PRKN: variants seen among roughly 807,000 people sequenced by gnomAD.
The protein encoded by PRKN is parkin RBR E3 ubiquitin protein ligase, also known as E3 ubiquitin-protein ligase parkin.
PRKN carries 56 observed loss-of-function variants against 59.5 expected under a neutral mutation model. That is an observed-to-expected ratio of 0.94 (90% CI 0.76 to 1.18). The LOEUF is 1.18. PRKN is among the 50% of genes most tolerant of loss of function. The pLI, the probability that PRKN is intolerant of heterozygous loss-of-function variation, is 0.00. For missense variants in PRKN, 657 were observed against 596.4 expected (o/e 1.10, Z -1.06); for synonymous variants, 250 against 222.1 (o/e 1.13, Z -1.12).
chr6:162,530,247 C>A (rs1167459050), intron 1 of PRKN, among the ~76,000 whole-genome samples: 1 of 151,752 alleles, frequency 6.6e-6, no homozygotes, highest in Non-Finnish European at 1.5e-5. Context: ...TGGGATGGGG[C>A]GGAGAATTAT....
chr6:162,652,779 T>C (rs1778494321), intron 1 of PRKN, among the ~76,000 whole-genome samples: 2 of 151,492 alleles, frequency 1.3e-5, no homozygotes, highest in African/African-American at 2.4e-5. Context: ...TTCCTCTTTA[T>C]TAAAAAAAAA....
chr6:162,137,525 T>G (rs919810623), intron 4 of PRKN, among the ~76,000 whole-genome samples: 2 of 152,210 alleles, frequency 1.3e-5, no homozygotes, highest in Non-Finnish European at 2.9e-5. Flanking sequence ...GTCTGTTTTG[T>G]GCTGCTATAA....
chr6:162,571,673 T>G (rs1027548931), intron 1 of PRKN, among the ~76,000 whole-genome samples: 1 of 152,014 alleles, frequency 6.6e-6, no homozygotes, highest in African/African-American at 2.4e-5. Flanking sequence ...ACCCGTGGGA[T>G]GTCCAAGTTG....
chr6:162,526,315 GT>G (rs1778282462), intron 1 of PRKN, among the ~76,000 whole-genome samples: 2 of 136,424 alleles, frequency 1.5e-5, no homozygotes, highest in East Asian at 2.1e-4. Context: ...ATCATTAGAA[GT>G]AAAAAAAAAA....
chr6:162,063,522 C>T (rs1778192417), intron 4 of PRKN, among the ~76,000 whole-genome samples: 1 of 152,008 alleles, frequency 6.6e-6, no homozygotes, highest in Non-Finnish European at 1.5e-5. Flanking sequence ...ATAAAACAAC[C>T]ACTTTGAAAA....
At chr6:161,680,861 C>G (rs2128172474) in intron 7 of PRKN, among the ~76,000 whole-genome samples, 1 of 147,322 alleles carries the variant, frequency 6.8e-6, no homozygotes, top group Admixed American at 6.8e-5. Context: ...AAATCAAAGA[C>G]TTTAATACAA....
rs742772 is a variant in PRKN, at chr6:161,603,717, T to C, written c.872-34301A>G. On this transcript the variant is annotated intron_variant, in intron 7 of 11. Transcript: ENST00000366898. ...ATGGGGTTTGGGGAAGTAGCAGATA[T>C]ATGGAACTTCTTCAGGAACCCATGT... is the stretch of plus-strand genomic sequence containing the variant. Among the ~76,000 whole-genome samples the C allele has an allele frequency of 3.5e-3, 531 of 152,302 alleles. 1 individual carries two copies. The highest frequency in any genetic ancestry group is 0.012 in the African/African-American group (506 of 41,562).
chr6:162,375,445 C>A (rs1423948370), intron 2 of PRKN, among the ~76,000 whole-genome samples: 1 of 150,316 alleles, frequency 6.7e-6, no homozygotes, highest in Non-Finnish European at 1.5e-5. Context: ...TTGGTGTCTA[C>A]AAAAGAGCCT....
chr6:162,277,863 G>A (rs1260272040), intron 2 of PRKN, among the ~76,000 whole-genome samples: 1 of 152,124 alleles, frequency 6.6e-6, no homozygotes, highest in African/African-American at 2.4e-5. Context: ...GAAATCTGGT[G>A]GTTTCTTACA....
chr6:161,780,361 C>T (rs545224964), intron 7 of PRKN, among the ~76,000 whole-genome samples: 1 of 152,252 alleles, frequency 6.6e-6, no homozygotes, highest in African/African-American at 2.4e-5. Flanking sequence ...TCCACAAAGA[C>T]TTAATGTACA....
At chr6:161,876,413 G>A (rs2128228453) in intron 6 of PRKN, among the ~76,000 whole-genome samples, 1 of 152,236 alleles carries the variant, frequency 6.6e-6, no homozygotes, top group African/African-American at 2.4e-5. Context: ...CTGGGCTTAA[G>A]CAATCCCTTC....
At chr6:162,148,397 A>G (rs1297426780) in intron 4 of PRKN, among the ~76,000 whole-genome samples, 1 of 151,766 alleles carries the variant, frequency 6.6e-6, no homozygotes, top group Non-Finnish European at 1.5e-5. Flanking sequence ...AAGACTTTAG[A>G]ACATGGGGAC....
chr6:161,958,101 A>T (rs1344087838), intron 6 of PRKN, among the ~76,000 whole-genome samples: 1 of 152,218 alleles, frequency 6.6e-6, no homozygotes, highest in African/African-American at 2.4e-5. Flanking sequence ...AAGCTTACTG[A>T]ATTGCATTAA....
chr6:161,775,443 G>C (rs1375058599), intron 7 of PRKN, among the ~76,000 whole-genome samples: 2 of 151,986 alleles, frequency 1.3e-5, no homozygotes, highest in Admixed American at 6.6e-5. Context: ...GGGTCTCCCT[G>C]TGTTGCACCA....
At chr6:162,290,606 A>G (rs1435714279) in intron 2 of PRKN, among the ~76,000 whole-genome samples, 1 of 152,202 alleles carries the variant, frequency 6.6e-6, no homozygotes. Flanking sequence ...CTGAGTTAGT[A>G]ATATTATGAC....
At chr6:162,220,501 G>C (rs973895799) in intron 3 of PRKN, among the ~76,000 whole-genome samples, 1 of 152,132 alleles carries the variant, frequency 6.6e-6, no homozygotes, top group Non-Finnish European at 1.5e-5. Context: ...ATCAATCAAG[G>C]GTAAGAAGTG....
chr6:162,271,931 C>T (rs1780409462), intron 2 of PRKN, among the ~76,000 whole-genome samples: 1 of 152,164 alleles, frequency 6.6e-6, no homozygotes, highest in African/African-American at 2.4e-5. Context: ...TGTAAAGATA[C>T]TGAAAGGCCC....
intron 1 of PRKN, among the ~76,000 whole-genome samples, chr6:162,464,875 T>C (rs1299142276): frequency 6.8e-6 from 1 of 146,150 alleles, no homozygotes; most frequent in Non-Finnish European, 1.5e-5. Flanking sequence ...AATTTGTGTA[T>C]AAATACAAGT....
chr6:162,691,047 TC>T (rs1219763965), intron 1 of PRKN, among the ~76,000 whole-genome samples: 1 of 152,160 alleles, frequency 6.6e-6, no homozygotes, highest in African/African-American at 2.4e-5. Flanking sequence ...CTGAGGTGTT[TC>T]CCATTCATCT....
Sources: allele counts gnomAD v4.1 joint callset (sites outside exome capture counted in the v4.1 genomes callset), GRCh38; gene constraint gnomAD v4.1.1; transcripts MANE v1.5; gene names NCBI Gene and HGNC (gene_info 2026-07-23, HGNC 2026-07-21).